YAP1: variants seen among roughly 807,000 people sequenced by gnomAD.
YAP1 encodes Yes1 associated transcriptional regulator, also known as transcriptional coactivator YAP1.
In YAP1, 5 loss-of-function variants were observed where a neutral mutation model predicts 56.9. The ratio of observed to expected loss-of-function variants is 0.09; its 90% CI spans 0.05 to 0.18. The LOEUF (loss-of-function observed/expected upper bound fraction) is 0.18. Ranked by LOEUF, YAP1 falls within the 10% of genes least tolerant of loss-of-function variation. The pLI is 1.00. For synonymous variants in YAP1, 265 were observed against 248.1 expected (o/e 1.07, Z -0.64); for missense variants, 539 against 651.8 (o/e 0.83, Z 1.88).
At chr11:102,188,569 A>C (rs914710489) in intron 4 of YAP1, among the ~76,000 whole-genome samples, 9 of 152,218 alleles carry the variant, frequency 5.9e-5, no homozygotes, top group Non-Finnish European at 1.2e-4. Flanking sequence ...CTGTGTTTTT[A>C]CTGTAACTTT....
At position 102,147,291 on chromosome 11, in the gene YAP1, T is replaced by A. The variant is rs566772975; in HGVS notation, c.573-15165T>A. 2.0e-5 allele frequency among the ~76,000 whole-genome samples: 3 copies of A among 152,326 alleles called. No homozygotes were observed. In the South Asian group the frequency reaches 6.2e-4, roughly 32 times the overall value. ...AGCCACATGAGGATTTATAGTGTAG[T>A]ATGCCAGAACACTCCAGTAGTCATC... is the stretch of plus-strand genomic sequence containing the variant. On this transcript the variant is annotated intron_variant, in intron 2 of 8. Transcript: ENST00000282441.
intron 5 of YAP1, among the ~76,000 whole-genome samples, chr11:102,209,020 T>C (rs887864068): frequency 6.6e-5 from 10 of 152,216 alleles, no homozygotes; most frequent in African/African-American, 2.2e-4. Flanking sequence ...GTAACTTCTT[T>C]GTTTCATCTT....
intron 4 of YAP1, among the ~76,000 whole-genome samples, chr11:102,195,716 A>G (rs1948540104): frequency 6.6e-6 from 1 of 152,144 alleles, no homozygotes; most frequent in Admixed American, 6.5e-5. Context: ...TTTTGCAATG[A>G]TTGTAAGTTT....
chr11:102,225,048 A>G (rs1489275063), intron 7 of YAP1, among the ~76,000 whole-genome samples: 2 of 152,094 alleles, frequency 1.3e-5, no homozygotes, highest in Non-Finnish European at 2.9e-5. Flanking sequence ...ACAATTTGAG[A>G]TTCTATTTTC....
rs57082707 is a variant in YAP1, at chr11:102,176,745, C to CAAAAAAAAAAAAAAAAAAAAA, written c.689-9262_689-9242dup. On this transcript the variant is annotated intron_variant, in intron 3 of 8. Coordinates refer to ENST00000282441, the MANE Select transcript of YAP1 (RefSeq NM_001130145.3). The stretch of plus-strand genomic sequence containing the variant: ...TGGGCAACAGAGTAAGACTCCGTCT[C>CAAAAAAAAAAAAAAAAAAAAA]AAAAAAAAAAAAAAAAAAAAAAAAA... Among the ~76,000 whole-genome samples, 23 of 45,512 alleles carry CAAAAAAAAAAAAAAAAAAAAA rather than the reference C, an allele frequency of 5.1e-4. 4 individuals carry two copies. Among genetic ancestry groups the CAAAAAAAAAAAAAAAAAAAAA allele is most frequent in the East Asian group, 8.3e-4 (1 of 1,208 alleles). The allele number at this position is 45,512 out of a possible 152,430, so 29.9% of individuals were successfully genotyped here.
intron 3 of YAP1, among the ~76,000 whole-genome samples, chr11:102,171,988 G>A (rs531200842): frequency 2.4e-4 from 36 of 152,130 alleles, no homozygotes; most frequent in African/African-American, 8.4e-4. Context: ...TTAGGAGTTC[G>A]AGACCAGCTT....
At chr11:102,118,652 G>A (rs1197425180) in intron 2 of YAP1, among the ~76,000 whole-genome samples, 6 of 151,372 alleles carry the variant, frequency 4.0e-5, no homozygotes. Context: ...TCAGGAGACT[G>A]AGGCAGGAGA....
intron 2 of YAP1, among the ~76,000 whole-genome samples, chr11:102,142,937 C>T (rs1945103086): frequency 6.6e-6 from 1 of 152,152 alleles, no homozygotes; most frequent in Admixed American, 6.5e-5. Context: ...GCAACTGTAT[C>T]TTAAATACTT....
rs1950486669 is a variant in YAP1 at position 102,233,233 on chromosome 11, T to C, written c.*3293T>C. On this transcript the variant is annotated 3_prime_UTR_variant, in exon 9 of 9. Coordinates refer to ENST00000282441, the MANE Select transcript of YAP1 (RefSeq NM_001130145.3). ...TTCTCCACATTTTAAATGTTTTATATTAGAGAATTCTTTAATGCACACTTG... is the reference window on the plus strand; with the variant it reads ...TTCTCCACATTTTAAATGTTTTATACTAGAGAATTCTTTAATGCACACTTG... The C allele has an allele frequency of 6.6e-6, 1 of 152,226 alleles. No individual in the cohort carries two copies. The highest frequency in any genetic ancestry group is 2.4e-5 in the African/African-American group (1 of 41,464). 9.4% of individuals were successfully genotyped at this position (152,226 alleles called of 1,614,324 possible).
At chr11:102,179,257 G>A (rs556416394) in intron 3 of YAP1, among the ~76,000 whole-genome samples, 1 of 152,202 alleles carries the variant, frequency 6.6e-6, no homozygotes, top group South Asian at 2.1e-4. Context: ...TGGTGGTCAG[G>A]CATGATAGCC....
At chr11:102,166,807 T>A (rs1316120195) in intron 3 of YAP1, among the ~76,000 whole-genome samples, 1 of 152,172 alleles carries the variant, frequency 6.6e-6, no homozygotes, top group African/African-American at 2.4e-5. Flanking sequence ...ATTCCCATCA[T>A]TCATAATTGA....
intron 2 of YAP1, among the ~76,000 whole-genome samples, chr11:102,123,744 A>G (rs1173606778): frequency 6.9e-6 from 1 of 144,722 alleles, no homozygotes; most frequent in Non-Finnish European, 1.5e-5. Flanking sequence ...GGTTCATGCC[A>G]TTCTCTGGCC....
At chr11:102,214,546 T>G (rs1327805272) in intron 6 of YAP1, among the ~76,000 whole-genome samples, 2 of 152,218 alleles carry the variant, frequency 1.3e-5, no homozygotes, top group African/African-American at 2.4e-5. Context: ...CCCTTCAAAC[T>G]GTCTTTCATG....
At chr11:102,221,182 A>G (rs531468042) in intron 6 of YAP1, among the ~76,000 whole-genome samples, 1 of 152,292 alleles carries the variant, frequency 6.6e-6, no homozygotes, top group South Asian at 2.1e-4. Flanking sequence ...AGACTCCAGA[A>G]TTTTCCCGTA....
rs1357995928 is a variant in YAP1, at chr11:102,223,520, A to G, written c.1033-102A>G. 8 of 1,268,368 alleles carry G rather than the reference A, an allele frequency of 6.3e-6. No individual in the cohort carries two copies. In the East Asian group the frequency reaches 7.5e-5, roughly 12 times the overall value. 78.6% of individuals were successfully genotyped at this position (1,268,368 alleles called of 1,614,324 possible). A position where few individuals can be genotyped will look rare whatever the true frequency, so the allele number is the denominator to read the frequency against. ...ATTAACTTTAAAGTAGATGTTTTTA[A>G]TCTATCTGCACGGTTACTCTGATGA... is the stretch of plus-strand genomic sequence containing the variant. On this transcript the variant is annotated intron_variant, in intron 6 of 8. Coordinates refer to ENST00000282441, the MANE Select transcript of YAP1 (RefSeq NM_001130145.3).
chr11:102,192,101 C>T (rs997314406), intron 4 of YAP1, among the ~76,000 whole-genome samples: 4 of 152,188 alleles, frequency 2.6e-5, no homozygotes, highest in Non-Finnish European at 5.9e-5. Context: ...TACTAGTTTA[C>T]TTCATTATAG....
intron 6 of YAP1, among the ~76,000 whole-genome samples, chr11:102,219,359 G>T (rs557380096): frequency 5.3e-5 from 8 of 152,270 alleles, no homozygotes; most frequent in Admixed American, 2.6e-4. Context: ...GATAAGTGCT[G>T]TGTTCAGGAT....
chr11:102,204,678 G>C (rs1242652747), intron 4 of YAP1, among the ~76,000 whole-genome samples: 1 of 152,204 alleles, frequency 6.6e-6, no homozygotes, highest in Non-Finnish European at 1.5e-5. Context: ...GTGTGACTGG[G>C]AGACCATTAA....
intron 4 of YAP1, among the ~76,000 whole-genome samples, chr11:102,193,142 C>G (rs1948384980): frequency 6.6e-6 from 1 of 152,158 alleles, no homozygotes; most frequent in Non-Finnish European, 1.5e-5. Context: ...AAGCCTAGTT[C>G]CAGGCCATGT....
Sources: gnomAD v4.1 joint callset for allele counts (sites outside exome capture counted in the v4.1 genomes callset) on GRCh38, gnomAD v4.1.1 for gene constraint, MANE v1.5 for transcripts, NCBI Gene and HGNC (gene_info 2026-07-23, HGNC 2026-07-21) for gene names.